The following PCDH9 variants were observed in gnomAD, a reference collection of about 807,000 sequenced individuals.
PCDH9 encodes protocadherin 9.
PCDH9 carries 24 observed loss-of-function variants against 70.6 expected under a neutral mutation model. The ratio of observed to expected loss-of-function variants is 0.34; its 90% confidence interval spans 0.25 to 0.48. PCDH9 has a LOEUF of 0.48. Among genes scored for constraint, PCDH9 ranks in the 20% least tolerant of loss-of-function variants. The pLI, the probability that PCDH9 is intolerant of heterozygous loss-of-function variation, is 0.99. For missense variants in PCDH9, 1,281 were observed against 1,503.6 expected, an observed-to-expected ratio of 0.85 and a Z score of 2.45; for synonymous variants, 562 against 558.5, an observed-to-expected ratio of 1.01 and a Z score of -0.09.
rs1349066039 is a variant in PCDH9 at position 67,225,824 on chromosome 13, T to C, written c.2617A>G (p.Lys873Glu). The change falls in exon 2 of 5, where the codon AAA becomes GAA. Residue 873 changes from lysine (K) to glutamate (E), a missense_variant. Physicochemically the swap from Lys to Glu is moderately conservative, Grantham distance 56 (BLOSUM62 1). This residue lies in a region of PCDH9 where 207 missense variants were observed against 191.8 expected (regional missense o/e 1.08). Transcript: ENST00000377865. Reference sequence around the variant, plus strand: ...AGAGAGCTTTTGGGAGACTTCCTTTTCTTTCTTTTCTTTTTCTTGTTTTGC... The same window carrying C: ...AGAGAGCTTTTGGGAGACTTCCTTTCCTTTCTTTTCTTTTTCTTGTTTTGC... Reference protein sequence around the residue: ...NKQNKKKKRKKRKSPKSSLLN... With the variant: ...NKQNKKKKRKERKSPKSSLLN... 1 of 1,614,166 alleles carries C rather than the reference T, an allele frequency of 6.2e-7. No individual in the cohort carries two copies. The highest frequency in any genetic ancestry group is 2.2e-5 in the East Asian group (1 of 44,876).
intron 2 of PCDH9, among the ~76,000 whole-genome samples, chr13:67,044,887 A>T (rs893353879): frequency 3.9e-5 from 6 of 152,164 alleles, no homozygotes; most frequent in Non-Finnish European, 8.8e-5. Flanking sequence ...TGCAGTTACT[A>T]AAAATACAAA....
At chr13:66,672,375 C>CTCCATCTAGACTTCAGAGGATGTA (rs2078187306) in intron 3 of PCDH9, among the ~76,000 whole-genome samples, 1 of 152,198 alleles carries the variant, frequency 6.6e-6, no homozygotes, top group Admixed American at 6.5e-5. Flanking sequence ...GTTTGGGAAT[C>CTCCATCTAGACTTCAGAGGATGTA]TCCATCTAGA....
At chr13:66,855,463 TA>T (rs1258515564) in intron 3 of PCDH9, among the ~76,000 whole-genome samples, 1 of 152,064 alleles carries the variant, frequency 6.6e-6, no homozygotes, top group African/African-American at 2.4e-5. Context: ...CCACTGTTAT[TA>T]AAGAGTACAA....
intron 2 of PCDH9, chr13:67,213,206 C>CCAAAAAAAAA (rs2089507616): frequency 4.9e-5 from 1 of 20,538 alleles, no homozygotes. Context: ...GACTCCGTCA[C>CCAAAAAAAAA]AAAAAAAAAA....
intron 2 of PCDH9, among the ~76,000 whole-genome samples, chr13:67,044,657 G>T (rs765475949): frequency 6.6e-6 from 1 of 152,124 alleles, no homozygotes; most frequent in Non-Finnish European, 1.5e-5. Flanking sequence ...TCTTCCAAAG[G>T]CTGCTGACTT....
At chr13:66,926,998 T>G (rs1321319382) in intron 2 of PCDH9, among the ~76,000 whole-genome samples, 1 of 152,052 alleles carries the variant, frequency 6.6e-6, no homozygotes, top group Non-Finnish European at 1.5e-5. Flanking sequence ...GGTCTCACTG[T>G]TTTTCTTTGA....
chr13:66,630,362 A>T (rs1365141145), intron 4 of PCDH9, among the ~76,000 whole-genome samples: 1 of 152,196 alleles, frequency 6.6e-6, no homozygotes, highest in African/African-American at 2.4e-5. Context: ...AATAGAAATT[A>T]CAGTCATTAG....
intron 4 of PCDH9, among the ~76,000 whole-genome samples, chr13:66,570,308 C>T (rs1261374980): frequency 2.6e-5 from 4 of 152,072 alleles, no homozygotes; most frequent in African/African-American, 9.7e-5. Context: ...TATGAAAGAA[C>T]ATGAGAGATT....
At chr13:66,617,612 A>C (rs1190252444) in intron 4 of PCDH9, among the ~76,000 whole-genome samples, 1 of 152,146 alleles carries the variant, frequency 6.6e-6, no homozygotes, top group Non-Finnish European at 1.5e-5. Context: ...GCAAAACAGT[A>C]AAGTTTTTTT....
intron 3 of PCDH9, among the ~76,000 whole-genome samples, chr13:66,856,833 A>G (rs1190868494): frequency 1.3e-5 from 2 of 152,096 alleles, no homozygotes; most frequent in African/African-American, 4.8e-5. Flanking sequence ...TTTCACCAAA[A>G]TAGCGTTTCT....
chr13:66,655,850 AT>A (rs1431003740), intron 3 of PCDH9, among the ~76,000 whole-genome samples: 1 of 152,138 alleles, frequency 6.6e-6, no homozygotes, highest in Non-Finnish European at 1.5e-5. Flanking sequence ...GAATGTCTTT[AT>A]TTTCCGCTGT....
chr13:66,867,249 G>T (rs1009296), intron 3 of PCDH9, among the ~76,000 whole-genome samples: 2,294 of 152,140 alleles, frequency 0.015, 22 homozygotes, highest in Non-Finnish European at 0.022. Flanking sequence ...CTATTTCCCA[G>T]TTTCTACTGA....
chr13:66,700,943 T>TAA (rs1488055086), intron 3 of PCDH9, among the ~76,000 whole-genome samples: 1 of 131,006 alleles, frequency 7.6e-6, no homozygotes, highest in Non-Finnish European at 1.6e-5. Flanking sequence ...TATATATATA[T>TAA]ATATATATAT....
At chr13:66,320,665 A>T (rs1451952459) in intron 4 of PCDH9, among the ~76,000 whole-genome samples, 1 of 151,978 alleles carries the variant, frequency 6.6e-6, no homozygotes, top group Non-Finnish European at 1.5e-5. Context: ...CTAATGAATT[A>T]CTTGGGGTAT....
intron 2 of PCDH9, among the ~76,000 whole-genome samples, chr13:66,911,969 AT>A (rs1240253879): frequency 6.6e-6 from 1 of 152,152 alleles, no homozygotes; most frequent in Non-Finnish European, 1.5e-5. Flanking sequence ...GTTCATTTCA[AT>A]TTATTTCATT....
chr13:66,894,325 A>G (rs1029180908), intron 3 of PCDH9, among the ~76,000 whole-genome samples: 9 of 152,266 alleles, frequency 5.9e-5, no homozygotes, highest in Admixed American at 1.3e-4. Context: ...TTTCCTTAAC[A>G]ATTAGAGTGA....
intron 3 of PCDH9, among the ~76,000 whole-genome samples, chr13:66,881,579 C>A (rs533727321): frequency 6.6e-6 from 1 of 152,216 alleles, no homozygotes; most frequent in Admixed American, 6.5e-5. Flanking sequence ...CAAATCATAT[C>A]ATTCAATAAG....
chr13:66,380,484 A>G (rs1205052555), intron 4 of PCDH9, among the ~76,000 whole-genome samples: 1 of 151,038 alleles, frequency 6.6e-6, no homozygotes, highest in East Asian at 1.9e-4. Context: ...TAATGAGTAT[A>G]GTAGATTACA....
intron 2 of PCDH9, among the ~76,000 whole-genome samples, chr13:66,922,399 G>A (rs542197061): frequency 2.0e-5 from 3 of 151,314 alleles, no homozygotes; most frequent in African/African-American, 4.8e-5. Flanking sequence ...CCTAACCTGG[G>A]AATAAGACAA....
Sources: gnomAD v4.1 joint callset for allele counts (sites outside exome capture counted in the v4.1 genomes callset) on GRCh38, gnomAD v4.1.1 for gene constraint, gnomAD v4.1.1 regional missense constraint, MANE v1.5 for transcripts, NCBI Gene and HGNC (gene_info 2026-07-23, HGNC 2026-07-21) for gene names.